The following DIS3L2 variants were observed in gnomAD, a reference collection of about 807,000 sequenced individuals.
DIS3L2 encodes DIS3-like exonuclease 2.
DIS3L2 carries 34 observed loss-of-function variants against 97.5 expected under a neutral mutation model. The ratio of observed to expected loss-of-function variants is 0.35; its 90% CI spans 0.27 to 0.46. The LOEUF is 0.46. Among genes scored for constraint, DIS3L2 ranks in the 20% least tolerant of loss-of-function variants. DIS3L2 has a pLI of 1.00. For missense variants in DIS3L2, 1,038 were observed against 1,146.0 expected, an observed-to-expected ratio of 0.91 and a Z score of 1.36; for synonymous variants, 435 against 445.2, an observed-to-expected ratio of 0.98 and a Z score of 0.29.
intron 10 of DIS3L2, among the ~76,000 whole-genome samples, chr2:232,212,043 A>G (rs1204855415): frequency 6.6e-6 from 1 of 152,218 alleles, no homozygotes; most frequent in African/African-American, 2.4e-5. Flanking sequence ...TCAACTAAAG[A>G]AAACTGAAAG....
chr2:232,183,703 C>G (rs1456912980), intron 9 of DIS3L2, among the ~76,000 whole-genome samples: 4 of 152,154 alleles, frequency 2.6e-5, no homozygotes, highest in African/African-American at 9.7e-5. Flanking sequence ...CTGTTATCAC[C>G]ATCTCAGATA....
intron 5 of DIS3L2, among the ~76,000 whole-genome samples, chr2:232,062,807 C>T (rs988536308): frequency 2.6e-5 from 4 of 152,040 alleles, no homozygotes; most frequent in African/African-American, 9.7e-5. Context: ...TGCGTGCCTG[C>T]CTTACCTATC....
chr2:232,176,589 G>C (rs1375283187), intron 9 of DIS3L2, among the ~76,000 whole-genome samples: 2 of 150,838 alleles, frequency 1.3e-5, no homozygotes, highest in Non-Finnish European at 3.0e-5. Context: ...TCTATGTTTT[G>C]TTTTTGTTTT....
At chr2:232,156,209 G>T (rs967601878) in intron 8 of DIS3L2, among the ~76,000 whole-genome samples, 6 of 152,072 alleles carry the variant, frequency 3.9e-5, no homozygotes, top group Non-Finnish European at 5.9e-5. Context: ...AATAGTGTCA[G>T]TTCTTCATTA....
chr2:232,320,469 C>T (rs974638589), intron 14 of DIS3L2, among the ~76,000 whole-genome samples: 3 of 152,352 alleles, frequency 2.0e-5, no homozygotes, highest in East Asian at 1.9e-4. Context: ...TGTCACCTGT[C>T]ACCTGTGTTG....
In DIS3L2 at chr2:232,336,879, G is replaced by GT; in HGVS notation, c.*249_*250insT. On this transcript the variant is annotated 3_prime_UTR_variant, in exon 21 of 21. Transcript: ENST00000325385. ...AGGCCCCAGTCCTCCTGGGAGGCTG[G>GT]CCCCCCTTTTTTCTGGGCCCTACTG... 7.5e-7 allele frequency: 1 copy of GT among 1,326,878 alleles called. No individual in the cohort carries two copies. The highest frequency in any genetic ancestry group is 9.6e-7 in the Non-Finnish European group (1 of 1,038,736). The allele number at this position is 1,326,878 out of a possible 1,614,324, so 82.2% of individuals were successfully genotyped here.
intron 1 of DIS3L2, among the ~76,000 whole-genome samples, chr2:231,977,295 A>G (rs1051673913): frequency 6.6e-6 from 1 of 152,232 alleles, no homozygotes; most frequent in Non-Finnish European, 1.5e-5. Flanking sequence ...TGATTGATTG[A>G]TAACATTTTC....
At chr2:231,973,322 TGAAA>T (rs1265145554) in intron 1 of DIS3L2, among the ~76,000 whole-genome samples, 3 of 152,022 alleles carry the variant, frequency 2.0e-5, no homozygotes, top group Non-Finnish European at 4.4e-5. Context: ...GTAGAAGCCT[TGAAA>T]GAAAGAGAGA....
At chr2:232,247,092 G>A (rs1239125454) in intron 11 of DIS3L2, among the ~76,000 whole-genome samples, 2 of 152,172 alleles carry the variant, frequency 1.3e-5, no homozygotes, top group Non-Finnish European at 2.9e-5. Flanking sequence ...AGATACTGCC[G>A]TGAACACTTA....
At chr2:232,277,552 A>G (rs1694172437) in intron 13 of DIS3L2, among the ~76,000 whole-genome samples, 2 of 152,140 alleles carry the variant, frequency 1.3e-5, no homozygotes, top group East Asian at 3.8e-4. Flanking sequence ...AAAGTAATAC[A>G]TATTTATTTT....
chr2:232,333,915 TAC>T lies in DIS3L2; in HGVS notation c.2093_2094del (p.His698LeufsTer24). On this transcript the variant is annotated frameshift_variant, in exon 17 of 21. Coordinates refer to ENST00000325385, the MANE Select transcript of DIS3L2 (RefSeq NM_152383.5). LOFTEE classifies it high-confidence loss of function. The stretch of plus-strand genomic sequence containing the variant: ...GCACTACGCGCTCAATGTGCCCCTG[TAC>T]ACACACTTCACCTCGCCCATCCGCC... ...FRHYALNVPL[Y>X]THFTSPIRRF... The T allele has an allele frequency of 1.9e-6, 3 of 1,612,920 alleles. No homozygotes were observed. The highest frequency in any genetic ancestry group is 2.5e-6 in the Non-Finnish European group (3 of 1,179,912).
At chr2:232,022,865 G>A (rs951455174) in intron 3 of DIS3L2, among the ~76,000 whole-genome samples, 8 of 152,154 alleles carry the variant, frequency 5.3e-5, no homozygotes, top group African/African-American at 1.7e-4. Flanking sequence ...CAGCTGTCTA[G>A]AAGTGGATTT....
chr2:232,025,284 A>G (rs968230808), intron 4 of DIS3L2, among the ~76,000 whole-genome samples: 1 of 152,102 alleles, frequency 6.6e-6, no homozygotes, highest in Non-Finnish European at 1.5e-5. Context: ...CTGAAATCCA[A>G]AATGCTCCAG....
At chr2:232,118,774 T>G (rs1697805901) in intron 6 of DIS3L2, among the ~76,000 whole-genome samples, 1 of 152,236 alleles carries the variant, frequency 6.6e-6, no homozygotes, top group Non-Finnish European at 1.5e-5. Flanking sequence ...TGGTCCATGT[T>G]AGCCTGATTT....
intron 6 of DIS3L2, among the ~76,000 whole-genome samples, chr2:232,129,633 A>G (rs1698163598): frequency 1.3e-5 from 2 of 152,240 alleles, no homozygotes; most frequent in South Asian, 4.1e-4. Flanking sequence ...AGGTCAGATC[A>G]TGTCAGTGTT....
chr2:232,221,002 TGAGGCAG>T (rs1399116462), intron 10 of DIS3L2, among the ~76,000 whole-genome samples: 1 of 146,000 alleles, frequency 6.8e-6, no homozygotes, highest in Non-Finnish European at 1.5e-5. Flanking sequence ...CTCGGGAGGC[TGAGGCAG>T]GAGAATTGCT....
At chr2:232,240,276 C>T (rs557318439) in intron 11 of DIS3L2, among the ~76,000 whole-genome samples, 8 of 152,284 alleles carry the variant, frequency 5.3e-5, no homozygotes, top group South Asian at 2.1e-4. Flanking sequence ...CTTGTACAGC[C>T]GATTTCTTCA....
intron 6 of DIS3L2, among the ~76,000 whole-genome samples, chr2:232,094,889 T>G (rs2106317187): frequency 6.6e-6 from 1 of 152,258 alleles, no homozygotes. Context: ...AATTGACCCC[T>G]TTATCATTAT....
chr2:232,337,805 C>T (rs1216719909), downstream of DIS3L2, among the ~76,000 whole-genome samples: 1 of 151,676 alleles, frequency 6.6e-6, no homozygotes, highest in Non-Finnish European at 1.5e-5. Flanking sequence ...TGCCTCGCAG[C>T]GACAGTGACT....
Sources: gnomAD v4.1 joint callset for allele counts (sites outside exome capture counted in the v4.1 genomes callset) on GRCh38, gnomAD v4.1.1 for gene constraint, MANE v1.5 for transcripts, NCBI Gene and HGNC (gene_info 2026-07-23, HGNC 2026-07-21) for gene names.